The following OR2L13 variants were observed in gnomAD, a reference collection of about 807,000 sequenced individuals.
The protein encoded by OR2L13 is olfactory receptor family 2 subfamily L member 13, also known as olfactory receptor 2L13.
A neutral mutation model predicts 15.3 loss-of-function variants in OR2L13; 14 were observed. The observed-to-expected ratio is 0.91, with a 90% CI of 0.60 to 1.43. The LOEUF is 1.43. Among genes scored for constraint, OR2L13 ranks in the 40% most tolerant of loss-of-function variants. The pLI is 0.00. For synonymous variants in OR2L13, 152 were observed against 142.9 expected, an observed-to-expected ratio of 1.06 and a Z score of -0.45; for missense variants, 367 against 387.9, an observed-to-expected ratio of 0.95 and a Z score of 0.45.
At chr1:247,990,696 G>C in the OR2L13 span, 2 of 1,538,176 alleles carry the variant, frequency 1.3e-6, no homozygotes, top group Non-Finnish European at 1.8e-6. Context: ...GTGCACTGAT[G>C]ATAACAGGAT....
chr1:248,070,324 C>G, the OR2L13 span, among the ~76,000 whole-genome samples: 1 of 152,002 alleles, frequency 6.6e-6, no homozygotes, highest in Non-Finnish European at 1.5e-5. Context: ...AAGAAACTCA[C>G]TCAAAACCAC....
At chr1:247,963,081 A>G in the OR2L13 span, among the ~76,000 whole-genome samples, 1 of 152,210 alleles carries the variant, frequency 6.6e-6, no homozygotes, top group African/African-American at 2.4e-5. Context: ...GCAAGCCAAC[A>G]GAGTAAAGTG....
the OR2L13 span, chr1:248,060,665 G>C: frequency 6.3e-7 from 1 of 1,592,098 alleles, no homozygotes; most frequent in African/African-American, 1.3e-5. Context: ...CTTCAGGAAA[G>C]AGCACACGAA....
the OR2L13 span, among the ~76,000 whole-genome samples, chr1:248,051,010 T>C: frequency 1.4e-4 from 21 of 152,204 alleles, no homozygotes; most frequent in African/African-American, 4.6e-4. Flanking sequence ...GCAAATATAC[T>C]TAAGAGGAAC....
chr1:248,023,805 A>G, the OR2L13 span: 1 of 152,188 alleles, frequency 6.6e-6, no homozygotes. Flanking sequence ...TTAGTCTCTG[A>G]GGAGAGGAGG....
chr1:248,099,430 C>G (rs775245116), exon 3 of OR2L13: 1 of 1,613,848 alleles, frequency 6.2e-7, no homozygotes, highest in Non-Finnish European at 8.5e-7. Context: ...TCTGCTTCCC[C>G]CAAATCAAAC....
the OR2L13 span, among the ~76,000 whole-genome samples, chr1:248,044,659 C>T: frequency 6.0e-5 from 7 of 117,530 alleles, 1 homozygote; most frequent in East Asian, 4.9e-4. Context: ...AAAAATTAGC[C>T]GGGCGCGGTG....
the OR2L13 span, chr1:247,965,111 T>A: frequency 1.8e-4 from 61 of 332,530 alleles, no homozygotes; most frequent in Admixed American, 4.9e-4. Context: ...AGTTATCTCA[T>A]GTATGTTTGC....
chr1:248,058,692 G>C, the OR2L13 span, among the ~76,000 whole-genome samples: 3 of 151,844 alleles, frequency 2.0e-5, no homozygotes, highest in African/African-American at 7.3e-5. Context: ...TTGTGAATTT[G>C]CATGCCATTT....
the OR2L13 span, chr1:247,965,112 G>C: frequency 9.0e-6 from 3 of 334,830 alleles, no homozygotes; most frequent in Non-Finnish European, 1.6e-5. Flanking sequence ...GTTATCTCAT[G>C]TATGTTTGCA....
the OR2L13 span, among the ~76,000 whole-genome samples, chr1:247,950,973 A>G: frequency 1.3e-5 from 2 of 152,144 alleles, no homozygotes; most frequent in Non-Finnish European, 2.9e-5. Flanking sequence ...GGTTATCCCA[A>G]TTACCCTGAT....
chr1:248,002,405 G>T, the OR2L13 span, among the ~76,000 whole-genome samples: 3 of 115,376 alleles, frequency 2.6e-5, no homozygotes, highest in African/African-American at 1.7e-4. Context: ...TTTGGCTCCA[G>T]CATACCACTT....
At chr1:248,059,013 T>C in the OR2L13 span, among the ~76,000 whole-genome samples, 1 of 150,692 alleles carries the variant, frequency 6.6e-6, no homozygotes, top group African/African-American at 2.5e-5. Context: ...TAGCAAATGA[T>C]ATTTATTTCA....
chr1:248,082,417 G>A, the OR2L13 span, among the ~76,000 whole-genome samples: 1 of 146,754 alleles, frequency 6.8e-6, no homozygotes, highest in African/African-American at 2.5e-5. Flanking sequence ...GTTAGTGGGT[G>A]CAGCGCACCA....
chr1:248,093,677 A>G (rs1664651790), upstream of OR2L13, among the ~76,000 whole-genome samples: 1 of 152,174 alleles, frequency 6.6e-6, no homozygotes, highest in Admixed American at 6.5e-5. Context: ...AGATAATTCA[A>G]GAATCCAGCA....
chr1:247,974,431 A>T, the OR2L13 span, among the ~76,000 whole-genome samples: 126 of 132,968 alleles, frequency 9.5e-4, 3 homozygotes, highest in African/African-American at 1.0e-3. Flanking sequence ...AAAGTATATT[A>T]AAAAAAAAAG....
the OR2L13 span, chr1:248,083,649 G>T: frequency 2.0e-6 from 3 of 1,487,398 alleles, no homozygotes; most frequent in Non-Finnish European, 2.8e-6. Flanking sequence ...TGACCTGTGG[G>T]CCTCATTTTG....
chr1:247,999,089 T>C, the OR2L13 span, among the ~76,000 whole-genome samples: 1 of 152,178 alleles, frequency 6.6e-6, no homozygotes, highest in Admixed American at 6.5e-5. Context: ...ACACGTTCAC[T>C]ATCTCACAGA....
the OR2L13 span, among the ~76,000 whole-genome samples, chr1:248,074,843 AT>A: frequency 3.3e-5 from 5 of 152,152 alleles, no homozygotes; most frequent in African/African-American, 4.8e-5. Flanking sequence ...GAAGTTAAAA[AT>A]AAAAATCTTA....
Sources: allele counts gnomAD v4.1 joint callset (sites outside exome capture counted in the v4.1 genomes callset), GRCh38; gene constraint gnomAD v4.1.1; transcripts MANE v1.5; gene names NCBI Gene and HGNC (gene_info 2026-07-23, HGNC 2026-07-21).